The following ZNF804B variants were observed in gnomAD, a reference collection of about 807,000 sequenced individuals.
ZNF804B encodes the protein zinc finger 804B.
Under a neutral mutation model 101.4 loss-of-function variants are expected in ZNF804B, and 80 were observed. That is an observed-to-expected ratio of 0.79 (90% CI 0.66 to 0.95). ZNF804B has a LOEUF of 0.95. Ranked by LOEUF, ZNF804B falls within the 40% of genes least tolerant of loss-of-function variation. The pLI, the probability that ZNF804B is intolerant of heterozygous loss-of-function variation, is 0.00. For missense variants in ZNF804B, 1,673 were observed against 1,561.9 expected (o/e 1.07, Z -1.20); for synonymous variants, 622 against 558.8 (o/e 1.11, Z -1.59).
chr7:88,814,447 AACACACACACAC>A (rs66471769), intron 1 of ZNF804B, among the ~76,000 whole-genome samples: 14,181 of 141,306 alleles, frequency 0.1, 826 homozygotes, highest in South Asian at 0.21. Context: ...CCTCCCTTCA[AACACACACACAC>A]ACACACACAC....
At chr7:89,060,142 C>T (rs1789357259) in intron 1 of ZNF804B, among the ~76,000 whole-genome samples, 1 of 152,052 alleles carries the variant, frequency 6.6e-6, no homozygotes, top group Non-Finnish European at 1.5e-5. Context: ...CCCAGGGTCT[C>T]CAGCTTGCAG....
intron 1 of ZNF804B, among the ~76,000 whole-genome samples, chr7:89,037,389 A>C (rs1788943755): frequency 6.6e-6 from 1 of 152,102 alleles, no homozygotes; most frequent in African/African-American, 2.4e-5. Flanking sequence ...TGTTGTAATC[A>C]AACCAAATCA....
At chr7:89,163,252 C>T (rs985369746) in intron 1 of ZNF804B, among the ~76,000 whole-genome samples, 1 of 152,038 alleles carries the variant, frequency 6.6e-6, no homozygotes, top group Non-Finnish European at 1.5e-5. Context: ...GATTTTGTAC[C>T]TATTGTGTCC....
At chr7:89,190,097 G>A (rs1316033329) in intron 1 of ZNF804B, among the ~76,000 whole-genome samples, 1 of 152,060 alleles carries the variant, frequency 6.6e-6, no homozygotes, top group East Asian at 1.9e-4. Context: ...CAAAACTTCA[G>A]TGGAGGAAAT....
At chr7:88,790,838 A>AT (rs11372539) in intron 1 of ZNF804B, among the ~76,000 whole-genome samples, 69,569 of 151,844 alleles carry the variant, frequency 0.46, 18,506 homozygotes, top group East Asian at 0.81. Context: ...AAAAGTTTAC[A>AT]TTTTGGATTT....
At chr7:89,319,124 T>G (rs1209172685) in intron 2 of ZNF804B, among the ~76,000 whole-genome samples, 3 of 152,122 alleles carry the variant, frequency 2.0e-5, no homozygotes, top group Non-Finnish European at 4.4e-5. Context: ...CTCGTTCCTG[T>G]AAACCCACAA....
intron 1 of ZNF804B, among the ~76,000 whole-genome samples, chr7:88,842,835 T>C (rs1791308916): frequency 6.6e-6 from 1 of 152,214 alleles, no homozygotes; most frequent in Non-Finnish European, 1.5e-5. Context: ...AAATGTAATA[T>C]AACTTTTTTA....
chr7:89,328,066 A>G (rs1790924345), intron 3 of ZNF804B, among the ~76,000 whole-genome samples: 1 of 152,000 alleles, frequency 6.6e-6, no homozygotes, highest in Non-Finnish European at 1.5e-5. Flanking sequence ...CTGGAATGCA[A>G]TTAAATTTGT....
At position 88,928,171 on chromosome 7, in the gene ZNF804B, T is replaced by A. The variant is rs559819623; in HGVS notation, c.108+168087T>A. ...GGTACGGTCCTTTAGATTTACAGAATCAGTTGTCTGTCCTAAAATAATCTA... is the reference window on the plus strand; with the variant it reads ...GGTACGGTCCTTTAGATTTACAGAAACAGTTGTCTGTCCTAAAATAATCTA... On this transcript the variant is annotated intron_variant, in intron 1 of 3. Coordinates refer to ENST00000333190, the MANE Select transcript of ZNF804B (RefSeq NM_181646.5). Among the ~76,000 whole-genome samples, 14 of 152,272 alleles carry A rather than the reference T, an allele frequency of 9.2e-5. No individual in the cohort carries two copies. In the South Asian group the frequency reaches 2.9e-3, roughly 32 times the overall value.
At chr7:88,857,446 A>T (rs1171016829) in intron 1 of ZNF804B, among the ~76,000 whole-genome samples, 1 of 152,222 alleles carries the variant, frequency 6.6e-6, no homozygotes, top group Non-Finnish European at 1.5e-5. Flanking sequence ...CACCGATCCC[A>T]CAGAAATACA....
rs907225420 is a variant in ZNF804B, at chr7:89,334,598, T to C, written c.1616T>C (p.Met539Thr). ...TATCAATATCCGAAACCAAAGACGA[T>C]GATAGCTAATCCGGATTGGGAAAAA... ...EDYQYPKPKT[M>T]IANPDWEKFQ... The change falls in exon 4 of 4, where the codon ATG (methionine) becomes ACG (threonine). Residue 539 changes from methionine to threonine, a missense_variant. Coordinates refer to ENST00000333190, the MANE Select transcript of ZNF804B (RefSeq NM_181646.5). 1 of 1,613,770 alleles carries C rather than the reference T, an allele frequency of 6.2e-7. No individual in the cohort carries two copies. Among genetic ancestry groups the C allele is most frequent in the African/African-American group, 1.3e-5 (1 of 74,992 alleles).
At chr7:89,017,693 C>G (rs572820892) in intron 1 of ZNF804B, among the ~76,000 whole-genome samples, 1 of 152,060 alleles carries the variant, frequency 6.6e-6, no homozygotes, top group Non-Finnish European at 1.5e-5. Flanking sequence ...TCATCAATTT[C>G]TTTCATCAGT....
At chr7:88,994,247 A>G (rs1793888226) in intron 1 of ZNF804B, among the ~76,000 whole-genome samples, 1 of 151,966 alleles carries the variant, frequency 6.6e-6, no homozygotes, top group African/African-American at 2.4e-5. Flanking sequence ...TCTAGAAATC[A>G]TTGAGATATG....
chr7:88,876,787 A>C (rs1317052727), intron 1 of ZNF804B, among the ~76,000 whole-genome samples: 2 of 143,836 alleles, frequency 1.4e-5, no homozygotes, highest in South Asian at 2.1e-4. Context: ...AGGAGTTTTC[A>C]ATATTATGCT....
chr7:88,963,792 A>G (rs946597028), intron 1 of ZNF804B, among the ~76,000 whole-genome samples: 2 of 151,422 alleles, frequency 1.3e-5, no homozygotes, highest in Non-Finnish European at 3.0e-5. Flanking sequence ...ACAAGAGAGT[A>G]ACAATATATC....
chr7:89,092,347 C>T (rs149282046), intron 1 of ZNF804B, among the ~76,000 whole-genome samples: 1 of 150,728 alleles, frequency 6.6e-6, no homozygotes, highest in Admixed American at 6.6e-5. Flanking sequence ...CAGACGATAG[C>T]ATCGTGGACA....
At chr7:88,761,582 C>A (rs1489355966) in intron 1 of ZNF804B, among the ~76,000 whole-genome samples, 2 of 152,160 alleles carry the variant, frequency 1.3e-5, no homozygotes, top group African/African-American at 4.8e-5. Context: ...CCTTTAAATT[C>A]TTCTTTAAGT....
intron 1 of ZNF804B, among the ~76,000 whole-genome samples, chr7:88,763,709 G>A (rs1229078422): frequency 2.0e-5 from 3 of 151,908 alleles, no homozygotes; most frequent in Non-Finnish European, 4.4e-5. Context: ...ACTACATGAT[G>A]ACTTTAAAAA....
intron 1 of ZNF804B, among the ~76,000 whole-genome samples, chr7:89,018,496 T>G (rs1788607524): frequency 6.6e-6 from 1 of 152,036 alleles, no homozygotes; most frequent in East Asian, 1.9e-4. Context: ...AGTTATTATG[T>G]CCTTATTGGA....
Sources: allele counts gnomAD v4.1 joint callset (sites outside exome capture counted in the v4.1 genomes callset), GRCh38; gene constraint gnomAD v4.1.1; transcripts MANE v1.5; gene names NCBI Gene and HGNC (gene_info 2026-07-23, HGNC 2026-07-21).